The following ANK3 variants were observed in gnomAD, a reference collection of about 807,000 sequenced individuals.
ANK3 encodes the protein ankyrin-3.
ANK3 carries 57 observed loss-of-function variants against 370.9 expected under a neutral mutation model. That is an observed-to-expected ratio of 0.15 (90% CI 0.12 to 0.19). The LOEUF is 0.19. ANK3 is among the 10% of genes least tolerant of loss of function. The pLI is 1.00. For missense variants in ANK3, 4,439 were observed against 5,302.1 expected (o/e 0.84, Z 5.06); for synonymous variants, 1,929 against 1,946.3 (o/e 0.99, Z 0.23).
At chr10:60,283,289 A>G (rs916534309) in intron 1 of ANK3, among the ~76,000 whole-genome samples, 1 of 143,360 alleles carries the variant, frequency 7.0e-6, no homozygotes, top group Non-Finnish European at 1.5e-5. Flanking sequence ...CACTGCCGTC[A>G]TTTCATGGAA....
intron 2 of ANK3, among the ~76,000 whole-genome samples, chr10:60,518,756 A>G (rs1290721671): frequency 6.6e-6 from 1 of 152,026 alleles, no homozygotes; most frequent in Admixed American, 6.6e-5. Flanking sequence ...AACTATTTTC[A>G]CCTGAAGACT....
rs146604237 is a variant in ANK3 at position 60,191,147 on chromosome 10, A to G, written c.1888-4235T>C. Among the ~76,000 whole-genome samples the G allele has an allele frequency of 3.8e-3, 585 of 152,336 alleles. 3 individuals carry two copies. Among genetic ancestry groups the G allele is most frequent in the African/African-American group, 0.013 (561 of 41,582 alleles). ...CATATGAACTCTAGAAGAAACCATA[A>G]GAAAAACTCTTTTGGGCATTGAACT... On this transcript the variant is annotated intron_variant, in intron 16 of 43. Transcript: ENST00000280772.
intron 2 of ANK3, among the ~76,000 whole-genome samples, chr10:60,451,207 C>T (rs2064592176): frequency 6.6e-6 from 1 of 152,160 alleles, no homozygotes; most frequent in Admixed American, 6.5e-5. Context: ...TCAGAATCTC[C>T]ACAAGGAACC....
At chr10:60,058,541 T>C (rs967105262) in intron 41 of ANK3, among the ~76,000 whole-genome samples, 4 of 152,244 alleles carry the variant, frequency 2.6e-5, no homozygotes, top group African/African-American at 4.8e-5. Context: ...GGAGAATGGA[T>C]GGCTTTTCTT....
chr10:60,457,317 GTA>G (rs1242651940), intron 2 of ANK3, among the ~76,000 whole-genome samples: 1 of 152,154 alleles, frequency 6.6e-6, no homozygotes, highest in African/African-American at 2.4e-5. Flanking sequence ...TACTAAGTAA[GTA>G]AAAGTTGCCC....
chr10:60,527,002 T>A (rs1245061808), intron 2 of ANK3, among the ~76,000 whole-genome samples: 2 of 152,166 alleles, frequency 1.3e-5, no homozygotes, highest in Non-Finnish European at 2.9e-5. Context: ...TATATATACA[T>A]ACATGTATAC....
chr10:60,297,972 T>C (rs1230871503), intron 1 of ANK3, among the ~76,000 whole-genome samples: 1 of 152,132 alleles, frequency 6.6e-6, no homozygotes, highest in Non-Finnish European at 1.5e-5. Context: ...AACAGTTAAA[T>C]ATGTATTTAT....
chr10:60,355,701 A>G (rs1238889113), intron 1 of ANK3, among the ~76,000 whole-genome samples: 1 of 152,168 alleles, frequency 6.6e-6, no homozygotes, highest in Non-Finnish European at 1.5e-5. Context: ...TTGTTTGTCG[A>G]TTATAAGGTG....
At chr10:60,178,942 C>T (rs2096061475) in intron 18 of ANK3, among the ~76,000 whole-genome samples, 1 of 151,414 alleles carries the variant, frequency 6.6e-6, no homozygotes, top group Non-Finnish European at 1.5e-5. Flanking sequence ...AAAGGGTCAG[C>T]AAACTGGAGG....
Position 60,278,793 on chromosome 10 carries a change from T to C in ANK3, c.395A>G (p.Asn132Ser), listed in dbSNP as rs752839113. Residue 132 changes from asparagine (N) to serine (S), a missense_variant, in exon 4 of 44, where the codon AAT becomes AGT. Physicochemically the swap from Asn to Ser is conservative, Grantham distance 46. Around this residue, in one of 13 missense-constraint regions of ANK3, gnomAD observed 136 missense variants for 230.5 expected, o/e 0.59. Transcript: ENST00000280772. ...VVKVLVTNGA[N>S]VNAQSQNGFT... ...GCTTACCTGAGATTGTGCATTGACATTGGCTCCATTTGTAACCAAGACTTT... is the reference window on the plus strand; with the variant it reads ...GCTTACCTGAGATTGTGCATTGACACTGGCTCCATTTGTAACCAAGACTTT... The C allele has an allele frequency of 7.4e-6, 12 of 1,613,854 alleles. No homozygotes were observed. The Admixed American group carries it at 1.7e-4, about 22-fold the overall frequency.
chr10:60,498,099 T>C (rs891419168), intron 2 of ANK3, among the ~76,000 whole-genome samples: 5 of 152,188 alleles, frequency 3.3e-5, no homozygotes, highest in Non-Finnish European at 2.9e-5. Context: ...AAGCCTTCCT[T>C]CCCATTTCTA....
At chr10:60,454,289 TGA>T (rs1430607904) in intron 2 of ANK3, among the ~76,000 whole-genome samples, 1 of 152,140 alleles carries the variant, frequency 6.6e-6, no homozygotes, top group African/African-American at 2.4e-5. Context: ...CACTGGAAAA[TGA>T]GAGAGGGAGA....
At chr10:60,523,389 C>A (rs185261957) in intron 2 of ANK3, among the ~76,000 whole-genome samples, 2 of 115,042 alleles carry the variant, frequency 1.7e-5, no homozygotes, top group African/African-American at 6.5e-5. Context: ...ATCCCTCCCC[C>A]CTCCCCCCAC....
intron 1 of ANK3, among the ~76,000 whole-genome samples, chr10:60,336,249 G>C (rs192768817): frequency 1.3e-5 from 2 of 152,090 alleles, no homozygotes; most frequent in Admixed American, 1.3e-4. Context: ...TAGGCTGGGA[G>C]AGAGTTGAGC....
intron 2 of ANK3, among the ~76,000 whole-genome samples, chr10:60,518,165 C>T (rs530762331): frequency 6.6e-6 from 1 of 152,212 alleles, no homozygotes; most frequent in South Asian, 2.1e-4. Flanking sequence ...CATGGAAGAA[C>T]TTGTTCCATG....
intron 2 of ANK3, among the ~76,000 whole-genome samples, chr10:60,521,679 A>G (rs1331128785): frequency 6.6e-6 from 1 of 152,096 alleles, no homozygotes; most frequent in Non-Finnish European, 1.5e-5. Context: ...TACATTTGAA[A>G]CATCATTTGT....
In ANK3 at chr10:60,097,613, A is replaced by G. The variant is rs185171096; in HGVS notation, c.3328+8292T>C. Among the ~76,000 whole-genome samples the G allele has an allele frequency of 1.5e-4, 23 of 152,354 alleles. 1 individual carries two copies. The East Asian group carries it at 4.0e-3, about 27-fold the overall frequency. The stretch of plus-strand genomic sequence containing the variant: ...GAGACCATAATACAACGAAGCATAA[A>G]TAACATGACTGAAATCATGTTCTGA... On this transcript the variant is annotated intron_variant, in intron 28 of 43. Coordinates refer to ENST00000280772, the MANE Select transcript of ANK3 (RefSeq NM_020987.5).
chr10:60,419,464 A>G (rs1270002429), intron 2 of ANK3, among the ~76,000 whole-genome samples: 1 of 152,074 alleles, frequency 6.6e-6, no homozygotes, highest in Non-Finnish European at 1.5e-5. Flanking sequence ...TGCACATATA[A>G]AGAGCACCTG....
At chr10:60,433,042 C>T (rs1332105900) in intron 2 of ANK3, among the ~76,000 whole-genome samples, 1 of 152,170 alleles carries the variant, frequency 6.6e-6, no homozygotes. Flanking sequence ...AGACTGCCCC[C>T]AGTGCTCTTT....
Sources: gnomAD v4.1 joint callset for allele counts (sites outside exome capture counted in the v4.1 genomes callset) on GRCh38, gnomAD v4.1.1 for gene constraint, gnomAD v4.1.1 regional missense constraint, MANE v1.5 for transcripts, NCBI Gene and HGNC (gene_info 2026-07-23, HGNC 2026-07-21) for gene names.